The following ESF1 variants were observed in gnomAD, a reference collection of about 807,000 sequenced individuals.
The protein encoded by ESF1 is ESF1 homolog.
Under a neutral mutation model 92.0 loss-of-function variants are expected in ESF1, and 58 were observed. The observed-to-expected ratio is 0.63, with a 90% confidence interval of 0.51 to 0.78. The LOEUF is 0.78. Ranked by LOEUF, ESF1 falls within the 30% of genes least tolerant of loss-of-function variation. ESF1 has a pLI of 0.00. For missense variants in ESF1, 922 were observed against 989.1 expected (o/e 0.93, Z 0.91); for synonymous variants, 321 against 313.7 (o/e 1.02, Z -0.24).
In ESF1 at chr20:13,714,836, G is replaced by C; in HGVS notation, c.*38C>G. 1 of 1,480,800 alleles carries C rather than the reference G, an allele frequency of 6.8e-7. No homozygotes were observed. The highest frequency in any genetic ancestry group is 9.1e-7 in the Non-Finnish European group (1 of 1,100,422). The allele number at this position is 1,480,800 out of a possible 1,614,324, so 91.7% of individuals were successfully genotyped here. A position where few individuals can be genotyped will look rare whatever the true frequency, so the allele number is the denominator to read the frequency against. On this transcript the variant is annotated 3_prime_UTR_variant, in exon 14 of 14. Coordinates refer to ENST00000617257, the MANE Select transcript of ESF1 (RefSeq NM_001276380.2). The stretch of plus-strand genomic sequence containing the variant: ...CTCCTATTATTTTTGTACATTTTAG[G>C]AAAAGATGTATTCAGTTCAAAAATA...
In ESF1 at chr20:13,741,319, T is replaced by C. The variant is rs115145003; in HGVS notation, c.1829-7477A>G. Reference sequence around the variant, plus strand: ...CCACATACTACAGTCCTTTCAATTGTTGCTTTTGGTTTGCATTTTAGTTCA... The same window carrying C: ...CCACATACTACAGTCCTTTCAATTGCTGCTTTTGGTTTGCATTTTAGTTCA... On this transcript the variant is annotated intron_variant, in intron 9 of 13. Transcript: ENST00000617257. Among the ~76,000 whole-genome samples, 737 of 149,652 alleles carry C rather than the reference T, an allele frequency of 4.9e-3. 12 individuals carry two copies. The highest frequency in any genetic ancestry group is 0.016 in the African/African-American group (667 of 40,624).
chr20:13,742,883 G>A (rs1314658591), intron 9 of ESF1, among the ~76,000 whole-genome samples: 9 of 151,876 alleles, frequency 5.9e-5, no homozygotes, highest in Admixed American at 3.9e-4. Flanking sequence ...CCCTGTTCCC[G>A]CCCTCCCTCC....
intron 9 of ESF1, among the ~76,000 whole-genome samples, chr20:13,736,492 C>A (rs2049976365): frequency 1.3e-5 from 2 of 152,116 alleles, no homozygotes; most frequent in Non-Finnish European, 1.5e-5. Flanking sequence ...CTAACTAGAC[C>A]AAAAGCAGCT....
intron 8 of ESF1, among the ~76,000 whole-genome samples, chr20:13,761,242 G>GCGGAAGGC (rs1349006714): frequency 6.6e-6 from 1 of 151,956 alleles, no homozygotes; most frequent in East Asian, 1.9e-4. Flanking sequence ...CACAAACACT[G>GCGGAAGGC]CGGAAGGCCG....
At chr20:13,766,271 C>A (rs1475773504) in intron 8 of ESF1, among the ~76,000 whole-genome samples, 1 of 152,044 alleles carries the variant, frequency 6.6e-6, no homozygotes, top group Non-Finnish European at 1.5e-5. Flanking sequence ...AAATGGAACC[C>A]AACAACAAAC....
chr20:13,748,497 C>CATATATACACAT (rs1466445221), intron 9 of ESF1, among the ~76,000 whole-genome samples: 3 of 138,902 alleles, frequency 2.2e-5, no homozygotes, highest in East Asian at 2.0e-4. Context: ...CATATATATA[C>CATATATACACAT]ATATATACAC....
intron 11 of ESF1, among the ~76,000 whole-genome samples, chr20:13,723,686 A>C (rs899733526): frequency 1.3e-5 from 2 of 152,166 alleles, no homozygotes; most frequent in African/African-American, 4.8e-5. Flanking sequence ...TTGAAGGCAC[A>C]TAAGTTTAGC....
chr20:13,728,481 TA>T lies in ESF1; in HGVS notation c.1951-17del. ...CAGCAAGAGCCTTAAAAGTTGAATA[TA>T]AAAATACAAAATTTCATTATTACAA... On this transcript the variant is annotated splice_polypyrimidine_tract_variant and intron_variant, in intron 10 of 13. Transcript: ENST00000617257. 1.3e-6 allele frequency: 2 copies of T among 1,552,470 alleles called. No homozygotes were observed. Among genetic ancestry groups the T allele is most frequent in the Non-Finnish European group, 1.8e-6 (2 of 1,141,642 alleles).
At chr20:13,781,835 C>A (rs771805677) in intron 2 of ESF1, among the ~76,000 whole-genome samples, 1 of 152,164 alleles carries the variant, frequency 6.6e-6, no homozygotes. Context: ...ACTCTACTTA[C>A]CCTCTTATTT....
chr20:13,764,108 C>A (rs914923187), intron 8 of ESF1, among the ~76,000 whole-genome samples: 13 of 151,988 alleles, frequency 8.6e-5, no homozygotes, highest in African/African-American at 3.1e-4. Context: ...AATACATATA[C>A]AAAAAGAAAA....
intron 7 of ESF1, among the ~76,000 whole-genome samples, chr20:13,767,881 G>A (rs949826693): frequency 7.9e-5 from 12 of 152,048 alleles, no homozygotes; most frequent in African/African-American, 2.9e-4. Flanking sequence ...TAAAATCACT[G>A]CCACCTGTCT....
At chr20:13,717,638 C>T (rs987601859) in intron 12 of ESF1, 124 bp from the exon 13 acceptor site, 55 of 1,014,452 alleles carry the variant, frequency 5.4e-5, no homozygotes, top group Non-Finnish European at 7.4e-5. Context: ...CTCTGGGGTA[C>T]CACCTGTTGT....
At chr20:13,768,591 C>CAAA (rs71790330) in intron 7 of ESF1, among the ~76,000 whole-genome samples, 1 of 142,924 alleles carries the variant, frequency 7.0e-6, no homozygotes, top group Admixed American at 6.9e-5. Context: ...CCAAAAAAAG[C>CAAA]AAAAAAAAAG....
chr20:13,755,876 T>A (rs1268338060), intron 9 of ESF1, among the ~76,000 whole-genome samples: 1 of 152,216 alleles, frequency 6.6e-6, no homozygotes, highest in Non-Finnish European at 1.5e-5. Context: ...AACTAGAATT[T>A]CTTCTGAAAA....
chr20:13,738,246 G>C (rs530645143), intron 9 of ESF1, among the ~76,000 whole-genome samples: 2 of 152,092 alleles, frequency 1.3e-5, no homozygotes, highest in Middle Eastern at 3.4e-3. Flanking sequence ...ATGAAGATCT[G>C]AAGGGTTTTG....
chr20:13,779,080 G>A (rs942603168), intron 2 of ESF1, among the ~76,000 whole-genome samples: 4 of 152,026 alleles, frequency 2.6e-5, no homozygotes, highest in African/African-American at 9.7e-5. Context: ...AAAAGTATCT[G>A]CTTAGAGCCC....
intron 1 of ESF1, among the ~76,000 whole-genome samples, chr20:13,784,292 C>CG (rs1352707054): frequency 2.7e-5 from 4 of 147,350 alleles, no homozygotes; most frequent in African/African-American, 9.9e-5. Flanking sequence ...CAACCCCCCC[C>CG]CAAAATGATT....
intron 11 of ESF1, among the ~76,000 whole-genome samples, chr20:13,723,366 CTGCTTTACAA>C (rs929393668): frequency 3.3e-5 from 5 of 151,972 alleles, no homozygotes; most frequent in African/African-American, 1.2e-4. Flanking sequence ...CATTCTGGTG[CTGCTTTACAA>C]TGTTGTAAAA....
chr20:13,720,460 A>C (rs1010572709), intron 11 of ESF1, among the ~76,000 whole-genome samples: 5 of 152,206 alleles, frequency 3.3e-5, no homozygotes, highest in African/African-American at 1.2e-4. Flanking sequence ...AAACCATTCA[A>C]CATGAATCTA....
Sources: allele counts gnomAD v4.1 joint callset (sites outside exome capture counted in the v4.1 genomes callset), GRCh38; gene constraint gnomAD v4.1.1; transcripts MANE v1.5; gene names NCBI Gene and HGNC (gene_info 2026-07-23, HGNC 2026-07-21).